PPFIBP1: variants seen among roughly 807,000 people sequenced by gnomAD.
PPFIBP1 encodes the protein liprin-beta-1.
In PPFIBP1, 112 loss-of-function variants were observed where a neutral mutation model predicts 137.8. That is an observed-to-expected ratio of 0.81 (90% CI 0.70 to 0.95). The LOEUF (loss-of-function observed/expected upper bound fraction) is 0.95, where lower values mean the gene tolerates loss of function less well. PPFIBP1 is among the 40% of genes least tolerant of loss of function. The pLI is 0.00. For synonymous variants in PPFIBP1, 378 were observed against 417.3 expected, an observed-to-expected ratio of 0.91 and a Z score of 1.15; for missense variants, 1,083 against 1,196.6, an observed-to-expected ratio of 0.91 and a Z score of 1.40.
chr12:27,603,588 A>G (rs2054218773), intron 2 of PPFIBP1, among the ~76,000 whole-genome samples: 1 of 152,168 alleles, frequency 6.6e-6, no homozygotes, highest in African/African-American at 2.4e-5. Context: ...AATTCATTCT[A>G]GGAAGTGTCA....
chr12:27,639,607 A>G (rs1464746182), intron 4 of PPFIBP1, among the ~76,000 whole-genome samples: 1 of 152,242 alleles, frequency 6.6e-6, no homozygotes, highest in Non-Finnish European at 1.5e-5. Context: ...TGAGTGAAAT[A>G]CTAATGGTGA....
chr12:27,650,215 C>A, intron 7 of PPFIBP1, 74 bp downstream of exon 7: 2 of 1,316,658 alleles, frequency 1.5e-6, no homozygotes, highest in Non-Finnish European at 2.0e-6. Flanking sequence ...CACATACATT[C>A]CTAGGGCAAA....
chr12:27,623,418 G>A (rs2056519661), intron 2 of PPFIBP1, among the ~76,000 whole-genome samples: 1 of 152,158 alleles, frequency 6.6e-6, no homozygotes, highest in South Asian at 2.1e-4. Context: ...TTAAGGTCAT[G>A]GCTCGGTGCA....
chr12:27,607,544 TG>T (rs2054644600), intron 2 of PPFIBP1, among the ~76,000 whole-genome samples: 2 of 152,204 alleles, frequency 1.3e-5, no homozygotes, highest in African/African-American at 4.8e-5. Context: ...TACAGATTTC[TG>T]GGTCCCATAC....
intron 2 of PPFIBP1, among the ~76,000 whole-genome samples, chr12:27,578,986 C>T (rs1291834480): frequency 3.3e-5 from 5 of 152,192 alleles, no homozygotes; most frequent in Non-Finnish European, 5.9e-5. Flanking sequence ...TATCCTAAAG[C>T]GTGCTTAGAT....
Position 27,692,596 on chromosome 12 carries a change from A to G in PPFIBP1, c.2871A>G (p.Glu957=). The stretch of plus-strand genomic sequence containing the variant: ...TTATGGTTTGTTATTTGCAGATGGA[A>G]GATTCAGAAGGGACAGTGAGACAGA... ...EDDLDRLEQM[E]DSEGTVRQIG... The change falls in exon 29 of 30, where the codon GAA becomes GAG. Residue 957 remains glutamate, a synonymous_variant. Coordinates refer to ENST00000228425, the MANE Select transcript of PPFIBP1 (RefSeq NM_003622.4). The G allele has an allele frequency of 6.2e-7, 1 of 1,613,626 alleles. No individual in the cohort carries two copies. The highest frequency in any genetic ancestry group is 8.5e-7 in the Non-Finnish European group (1 of 1,179,912).
chr12:27,527,401 C>G (rs1399172669), intron 1 of PPFIBP1, among the ~76,000 whole-genome samples: 1 of 151,946 alleles, frequency 6.6e-6, no homozygotes, highest in East Asian at 1.9e-4. Flanking sequence ...CACCAACATG[C>G]CCGGTTAATT....
intron 4 of PPFIBP1, among the ~76,000 whole-genome samples, chr12:27,641,867 C>T (rs1468753959): frequency 6.6e-6 from 1 of 152,146 alleles, no homozygotes; most frequent in Non-Finnish European, 1.5e-5. Flanking sequence ...GGCATTCGAA[C>T]TGGCAGTGGC....
Position 27,666,757 on chromosome 12 carries a change from G to C in PPFIBP1, c.992-409G>C, listed in dbSNP as rs1164785595. On this transcript the variant is annotated intron_variant, in intron 12 of 29. Coordinates refer to ENST00000228425, the MANE Select transcript of PPFIBP1 (RefSeq NM_003622.4). ...TGATGAAAACTAAGTTGTTTAAATG[G>C]GACTTTGTTGCTATTCACAATTCGT... Among the ~76,000 whole-genome samples the C allele has an allele frequency of 1.3e-4, 20 of 152,100 alleles. 1 individual carries two copies. Among genetic ancestry groups the C allele is most frequent in the Admixed American group, 1.3e-3 (20 of 15,274 alleles).
intron 2 of PPFIBP1, among the ~76,000 whole-genome samples, chr12:27,626,674 C>A (rs1223565271): frequency 6.6e-6 from 1 of 152,048 alleles, no homozygotes; most frequent in East Asian, 1.9e-4. Flanking sequence ...TCAAGCAATT[C>A]TCCTGCCTCA....
intron 1 of PPFIBP1, among the ~76,000 whole-genome samples, chr12:27,545,848 C>T (rs140002683): frequency 1.7e-3 from 259 of 152,290 alleles, no homozygotes; most frequent in African/African-American, 5.7e-3. Flanking sequence ...CTCCCCCAAC[C>T]GGCCGCCTCT....
intron 12 of PPFIBP1, 129 bp downstream of exon 12, chr12:27,664,575 G>A (rs542756563): frequency 4.6e-6 from 3 of 649,612 alleles, no homozygotes; most frequent in South Asian, 3.5e-5. Flanking sequence ...TTCGTTAATT[G>A]AACAATTAGG....
chr12:27,609,512 C>G (rs2054866000), intron 2 of PPFIBP1, among the ~76,000 whole-genome samples: 1 of 152,166 alleles, frequency 6.6e-6, no homozygotes, highest in African/African-American at 2.4e-5. Flanking sequence ...TCCAGTCTAC[C>G]AACTCCCAAC....
intron 1 of PPFIBP1, among the ~76,000 whole-genome samples, chr12:27,565,625 A>G (rs10506024): frequency 0.81 from 122,728 of 152,120 alleles, 49,780 homozygotes; most frequent in East Asian, 0.98. Context: ...TAAGCACATA[A>G]CTAATGACTC....
Position 27,687,477 on chromosome 12 carries a change from A to T in PPFIBP1, c.2340A>T (p.Pro780=), listed in dbSNP as rs926016747. 2 of 1,614,012 alleles carry T rather than the reference A, an allele frequency of 1.2e-6. No homozygotes were observed. The highest frequency in any genetic ancestry group is 1.3e-5 in the African/African-American group (1 of 75,042). ...TCCTGAGGATCAATAACTTTGAACC[A>T]AACTGTCTACGGAGGCGGCCATCTG... The part of the protein sequence containing the change: ...IQVLRINNFE[P]NCLRRRPSDE... The change falls in exon 25 of 30, where the codon CCA becomes CCT. Residue 780 remains proline (P), a synonymous_variant. Coordinates refer to ENST00000228425, the MANE Select transcript of PPFIBP1 (RefSeq NM_003622.4).
At chr12:27,636,031 A>G (rs1240655611) in intron 4 of PPFIBP1, 1 of 152,248 alleles carries the variant, frequency 6.6e-6, no homozygotes, top group East Asian at 1.9e-4. Context: ...ATTGTATGAA[A>G]GAATCGTGAT....
chr12:27,628,242 A>T (rs1452348757), intron 2 of PPFIBP1, among the ~76,000 whole-genome samples: 1 of 152,112 alleles, frequency 6.6e-6, no homozygotes, highest in African/African-American at 2.4e-5. Context: ...GTGCAGTGGC[A>T]CAATCACAGC....
chr12:27,578,739 C>T (rs2050791357), intron 2 of PPFIBP1, among the ~76,000 whole-genome samples: 1 of 152,198 alleles, frequency 6.6e-6, no homozygotes, highest in Non-Finnish European at 1.5e-5. Context: ...GAGCTTCTAC[C>T]AAGTGACAGG....
intron 11 of PPFIBP1, among the ~76,000 whole-genome samples, chr12:27,664,142 A>G (rs2288227): frequency 0.11 from 17,097 of 152,220 alleles, 1,544 homozygotes; most frequent in African/African-American, 0.25. Flanking sequence ...TAATGTATGT[A>G]GGAAACATAG....
Sources: allele counts gnomAD v4.1 joint callset (sites outside exome capture counted in the v4.1 genomes callset), GRCh38; gene constraint gnomAD v4.1.1; transcripts MANE v1.5; gene names NCBI Gene and HGNC (gene_info 2026-07-23, HGNC 2026-07-21).